Variants in TMEM9 observed in about 807,000 individuals in gnomAD.
The protein encoded by TMEM9 is proton-transporting V-type ATPase complex assembly regulator TMEM9.
TMEM9 carries 13 observed loss-of-function variants against 22.8 expected under a neutral mutation model. That is an observed-to-expected ratio of 0.57 (90% CI 0.37 to 0.91). The LOEUF is 0.91. TMEM9 is among the 40% of genes least tolerant of loss of function. The pLI, the probability that TMEM9 is intolerant of heterozygous loss-of-function variation, is 0.01. For synonymous variants in TMEM9, 88 were observed against 93.0 expected (o/e 0.95, Z 0.31); for missense variants, 182 against 238.1 (o/e 0.76, Z 1.55).
chr1:201,137,246 C>T (rs1202734327), intron 4 of TMEM9, among the ~76,000 whole-genome samples: 1 of 139,958 alleles, frequency 7.1e-6, no homozygotes, highest in Non-Finnish European at 1.6e-5. Flanking sequence ...GGCTGGGGAT[C>T]ACCTGCCCCT....
intron 4 of TMEM9, among the ~76,000 whole-genome samples, chr1:201,142,652 T>G (rs1055307357): frequency 1.5e-4 from 23 of 152,258 alleles, no homozygotes; most frequent in South Asian, 4.1e-4. Context: ...TCCTTATGCA[T>G]ACGCATGAGT....
At chr1:201,165,952 A>T (rs1464253940) in intron 1 of TMEM9, among the ~76,000 whole-genome samples, 2 of 152,218 alleles carry the variant, frequency 1.3e-5, no homozygotes, top group Non-Finnish European at 2.9e-5. Context: ...GGTCCAGGAC[A>T]TAGAGCCCTC....
At chr1:201,138,107 T>C (rs1299600866) in intron 4 of TMEM9, among the ~76,000 whole-genome samples, 4 of 152,036 alleles carry the variant, frequency 2.6e-5, no homozygotes, top group African/African-American at 4.8e-5. Flanking sequence ...ATCTTTCTCA[T>C]GACAGGGCTC....
intron 3 of TMEM9, chr1:201,146,484 A>G (rs1386789383): frequency 1.6e-5 from 9 of 573,476 alleles, no homozygotes; most frequent in Non-Finnish European, 2.8e-5. Flanking sequence ...GCAGGGAAAA[A>G]GGAGTCTCCA....
chr1:201,167,950 T>C (rs1044630934), intron 1 of TMEM9, among the ~76,000 whole-genome samples: 1 of 152,096 alleles, frequency 6.6e-6, no homozygotes, highest in African/African-American at 2.4e-5. Flanking sequence ...TAACTAGTAT[T>C]CTGAGTTTTT....
At chr1:201,161,286 G>A (rs1301138859) in intron 1 of TMEM9, among the ~76,000 whole-genome samples, 1 of 152,056 alleles carries the variant, frequency 6.6e-6, no homozygotes, top group African/African-American at 2.4e-5. Context: ...AGGAGAATGA[G>A]TGAAAAAAGC....
At chr1:201,161,645 A>T (rs971668357) in intron 1 of TMEM9, among the ~76,000 whole-genome samples, 4 of 152,248 alleles carry the variant, frequency 2.6e-5, no homozygotes, top group African/African-American at 9.6e-5. Context: ...AGATGCTTTG[A>T]TGTGATAAAA....
At chr1:201,147,038 C>T (rs1318299007) in intron 2 of TMEM9, among the ~76,000 whole-genome samples, 190 bp from the exon 3 acceptor site, 6 of 152,148 alleles carry the variant, frequency 3.9e-5, no homozygotes, top group Non-Finnish European at 8.8e-5. Context: ...AGCCTCACAG[C>T]CCATGCCCCT....
rs1344918916 is a variant in TMEM9, at chr1:201,154,034, C to T, written c.-111G>A. The T allele has an allele frequency of 2.3e-6, 3 of 1,318,680 alleles. No homozygotes were observed. Among genetic ancestry groups the T allele is most frequent in the Non-Finnish European group, 3.1e-6 (3 of 974,822 alleles). 81.7% of individuals were successfully genotyped at this position (1,318,680 alleles called of 1,614,324 possible). A position where few individuals can be genotyped will look rare whatever the true frequency, so the allele number is the denominator to read the frequency against. Reference sequence around the variant, plus strand: ...GCCAGCACGCTAGGCCCTTAACCATCCGGCCAAGTGGGAATGGGGTTGGGG... The same window carrying T: ...GCCAGCACGCTAGGCCCTTAACCATTCGGCCAAGTGGGAATGGGGTTGGGG... On this transcript the variant is annotated 5_prime_UTR_variant, in exon 1 of 5. Transcript: ENST00000367330.
intron 4 of TMEM9, among the ~76,000 whole-genome samples, chr1:201,142,970 GC>G (rs1470058958): frequency 6.6e-6 from 1 of 152,236 alleles, no homozygotes; most frequent in Non-Finnish European, 1.5e-5. Context: ...CCCACGAAGA[GC>G]CCTTCACCTG....
Position 201,143,074 on chromosome 1 carries a change from G to A in TMEM9, c.399+746C>T, listed in dbSNP as rs886267016. On this transcript the variant is annotated intron_variant, in intron 4 of 4. Coordinates refer to ENST00000367330, the MANE Select transcript of TMEM9 (RefSeq NM_001288565.2). Reference sequence around the variant, plus strand: ...AAGACGGTGACAGCGCTTGTTAACTGCACTGGGCCTGGTCCAAGCCCTGCC... The same window carrying A: ...AAGACGGTGACAGCGCTTGTTAACTACACTGGGCCTGGTCCAAGCCCTGCC... Among the ~76,000 whole-genome samples the A allele has an allele frequency of 2.0e-5, 3 of 152,342 alleles. No homozygotes were observed. In the East Asian group the frequency reaches 5.8e-4, roughly 29 times the overall value.
At chr1:201,148,938 G>A (rs1454089083) in intron 2 of TMEM9, among the ~76,000 whole-genome samples, 1 of 152,202 alleles carries the variant, frequency 6.6e-6, no homozygotes, top group African/African-American at 2.4e-5. Context: ...TGCCATTCCT[G>A]TCCAGAGGCA....
intron 3 of TMEM9, chr1:201,145,186 G>C (rs1175626547): frequency 6.6e-6 from 1 of 152,310 alleles, no homozygotes; most frequent in African/African-American, 2.4e-5. Context: ...TCCTAGGTAG[G>C]AGGACTGGGG....
At chr1:201,153,559 A>C (rs1665601589) in intron 1 of TMEM9, among the ~76,000 whole-genome samples, 1 of 152,200 alleles carries the variant, frequency 6.6e-6, no homozygotes. Flanking sequence ...GTCCAAAGCA[A>C]AGGAAGGTAT....
At chr1:201,143,677 G>A (rs906949316) in intron 4 of TMEM9, 143 bp downstream of exon 4, 2 of 720,034 alleles carry the variant, frequency 2.8e-6, no homozygotes, top group Non-Finnish European at 4.6e-6. Context: ...GCTGAGTCTG[G>A]GTGATGTGTA....
Position 201,165,150 on chromosome 1 carries a change from T to TTATATATATATATATA in TMEM9, c.-37+6324_-37+6339dup, listed in dbSNP as rs57281429. 7.2e-3 allele frequency among the ~76,000 whole-genome samples: 622 copies of TTATATATATATATATA among 86,874 alleles called. 3 individuals are homozygous for TTATATATATATATATA. The highest frequency in any genetic ancestry group is 0.025 in the Middle Eastern group (3 of 120). 57.0% of individuals were successfully genotyped at this position (86,874 alleles called of 152,430 possible). ...CATTTTATCACTTTTTAAGAGAAAA[T>TTATATATATATATATA]TATATATATATATATATATATATAT... On this transcript the variant is annotated intron_variant, in intron 1 of 5. Transcript: ENST00000367333.
At chr1:201,137,282 G>A (rs921479897) in intron 4 of TMEM9, among the ~76,000 whole-genome samples, 1 of 152,166 alleles carries the variant, frequency 6.6e-6, no homozygotes, top group Non-Finnish European at 1.5e-5. Flanking sequence ...CCCTAGGCTC[G>A]CGTCCCAGGT....
intron 4 of TMEM9, among the ~76,000 whole-genome samples, chr1:201,143,461 C>T (rs970884811): frequency 6.6e-6 from 1 of 152,230 alleles, no homozygotes; most frequent in African/African-American, 2.4e-5. Context: ...TAACCTGCTG[C>T]CGTCCAGTCC....
Position 201,135,770 on chromosome 1 carries a change from G to GC in TMEM9, c.444_445insG (p.Arg149AlafsTer102). The GC allele has an allele frequency of 6.2e-7, 1 of 1,612,854 alleles. No individual in the cohort carries two copies. The highest frequency in any genetic ancestry group is 8.5e-7 in the Non-Finnish European group (1 of 1,179,468). On this transcript the variant is annotated frameshift_variant, in exon 5 of 5. Coordinates refer to ENST00000367330, the MANE Select transcript of TMEM9 (RefSeq NM_001288565.2). LOFTEE classifies it high-confidence loss of function. Reference sequence around the variant, plus strand: ...ACACGCTCCAGGACTGTGTTTGCTCGGGGTCCCCCGAGGGATGCAGCAGCT... The same window carrying GC: ...ACACGCTCCAGGACTGTGTTTGCTCGCGGGTCCCCCGAGGGATGCAGCAGCT...
Sources: allele counts gnomAD v4.1 joint callset (sites outside exome capture counted in the v4.1 genomes callset), GRCh38; gene constraint gnomAD v4.1.1; transcripts MANE v1.5; gene names NCBI Gene and HGNC (gene_info 2026-07-23, HGNC 2026-07-21).